The following PDE2A variants were observed in gnomAD, a reference collection of about 807,000 sequenced individuals.
PDE2A encodes phosphodiesterase 2A.
A neutral mutation model predicts 133.6 loss-of-function variants in PDE2A; 53 were observed. The ratio of observed to expected loss-of-function variants is 0.40; its 90% CI spans 0.32 to 0.50. The LOEUF (loss-of-function observed/expected upper bound fraction) is 0.50, where lower values mean the gene tolerates loss of function less well. PDE2A is among the 20% of genes least tolerant of loss of function. The pLI is 0.73. For synonymous variants in PDE2A, 491 were observed against 490.2 expected, an observed-to-expected ratio of 1.00 and a Z score of -0.02; for missense variants, 796 against 1,232.4, an observed-to-expected ratio of 0.65 and a Z score of 5.30.
intron 4 of PDE2A, among the ~76,000 whole-genome samples, chr11:72,602,467 C>T (rs1347416876): frequency 1.3e-5 from 2 of 152,162 alleles, no homozygotes; most frequent in African/African-American, 4.8e-5. Context: ...CTCCCCACAC[C>T]CCCACCTCCT....
intron 24 of PDE2A, 50 bp from the exon 25 acceptor site, chr11:72,580,674 T>C: frequency 7.1e-7 from 1 of 1,414,786 alleles, no homozygotes; most frequent in Non-Finnish European, 9.8e-7. Flanking sequence ...CGGATCCAAG[T>C]GCCACTGCTT....
At chr11:72,619,918 C>T (rs748692196) in intron 2 of PDE2A, among the ~76,000 whole-genome samples, 2 of 152,114 alleles carry the variant, frequency 1.3e-5, no homozygotes, top group Non-Finnish European at 2.9e-5. Context: ...GAAGATTAAG[C>T]TGAGCCATCA....
chr11:72,581,018 G>T, intron 23 of PDE2A, 45 bp from the exon 24 acceptor site: 1 of 1,309,756 alleles, frequency 7.6e-7, no homozygotes, highest in Non-Finnish European at 1.1e-6. Flanking sequence ...TCAGCCCACA[G>T]TTCCCTCCCT....
intron 6 of PDE2A, among the ~76,000 whole-genome samples, chr11:72,593,180 T>C (rs1472050850): frequency 1.3e-5 from 2 of 149,240 alleles, no homozygotes; most frequent in Middle Eastern, 3.4e-3. Flanking sequence ...ATGGAGGTGG[T>C]ACACACACAC....
intron 25 of PDE2A, among the ~76,000 whole-genome samples, chr11:72,580,328 A>G (rs1855664041): frequency 6.6e-6 from 1 of 152,080 alleles, no homozygotes; most frequent in Non-Finnish European, 1.5e-5. Context: ...GTTTGGCAGG[A>G]GGGGGCTGAA....
chr11:72,637,818 G>A (rs1382059651), intron 2 of PDE2A, among the ~76,000 whole-genome samples: 1 of 152,226 alleles, frequency 6.6e-6, no homozygotes, highest in Non-Finnish European at 1.5e-5. Flanking sequence ...AGTCAGGTTG[G>A]AGAAAGTGGT....
At chr11:72,614,199 C>T (rs1223883200) in intron 2 of PDE2A, among the ~76,000 whole-genome samples, 1 of 152,234 alleles carries the variant, frequency 6.6e-6, no homozygotes. Context: ...CAAGGAGACG[C>T]CTCTCAAAGA....
At chr11:72,658,488 T>A (rs947636663) in intron 1 of PDE2A, among the ~76,000 whole-genome samples, 6 of 151,964 alleles carry the variant, frequency 3.9e-5, no homozygotes, top group Non-Finnish European at 7.4e-5. Flanking sequence ...ACACCCTAGA[T>A]TTTTTCTGTT....
rs569227419 is a variant in PDE2A, at chr11:72,664,609, G to A, written c.71+9528C>T. 3.0e-4 allele frequency among the ~76,000 whole-genome samples: 45 copies of A among 151,664 alleles called. No homozygotes were observed. In the East Asian group the frequency reaches 3.7e-3, roughly 13 times the overall value. On this transcript the variant is annotated intron_variant, in intron 1 of 30. Coordinates refer to ENST00000334456, the MANE Select transcript of PDE2A (RefSeq NM_002599.5). Reference sequence around the variant, plus strand: ...AGGATGGTCTCGATCTCCTGACCTCGTGATCCGCCCACCTCAGCCTCCCAA... The same window carrying A: ...AGGATGGTCTCGATCTCCTGACCTCATGATCCGCCCACCTCAGCCTCCCAA...
intron 2 of PDE2A, among the ~76,000 whole-genome samples, chr11:72,624,523 C>A (rs1857946756): frequency 6.6e-6 from 1 of 152,204 alleles, no homozygotes; most frequent in Admixed American, 6.5e-5. Context: ...CTCACTAGAT[C>A]ATATGCTTGG....
chr11:72,580,510 G>T, intron 25 of PDE2A, 67 bp downstream of exon 25: 2 of 1,169,722 alleles, frequency 1.7e-6, no homozygotes, highest in Non-Finnish European at 2.5e-6. Context: ...GGAGGAGCTG[G>T]GTCATAACTT....
chr11:72,596,711 G>A (rs978492403), intron 5 of PDE2A, 63 bp from the exon 6 acceptor site: 55 of 1,117,854 alleles, frequency 4.9e-5, no homozygotes, highest in African/African-American at 2.3e-4. Flanking sequence ...ATACCGAGCC[G>A]GGACCCAGGT....
intron 6 of PDE2A, among the ~76,000 whole-genome samples, chr11:72,593,157 C>T (rs906928368): frequency 6.7e-6 from 1 of 148,530 alleles, no homozygotes; most frequent in Non-Finnish European, 1.5e-5. Flanking sequence ...CATGCACTTA[C>T]ACTCAATCTC....
intron 1 of PDE2A, among the ~76,000 whole-genome samples, chr11:72,663,627 G>T (rs1213033095): frequency 6.6e-6 from 1 of 151,938 alleles, no homozygotes; most frequent in African/African-American, 2.4e-5. Context: ...TACTTGGGAG[G>T]CTGAGGCAGG....
At chr11:72,649,507 T>G (rs1419940732) in intron 1 of PDE2A, among the ~76,000 whole-genome samples, 1 of 152,192 alleles carries the variant, frequency 6.6e-6, no homozygotes, top group Admixed American at 6.5e-5. Flanking sequence ...TCAGAGGCAG[T>G]GCCTAGGGTG....
At chr11:72,644,676 A>C (rs1293994547) in intron 1 of PDE2A, among the ~76,000 whole-genome samples, 1 of 152,260 alleles carries the variant, frequency 6.6e-6, no homozygotes, top group Non-Finnish European at 1.5e-5. Context: ...TTGGGCTCCC[A>C]ACTCCAGGCA....
intron 2 of PDE2A, among the ~76,000 whole-genome samples, chr11:72,620,969 T>C (rs1470689728): frequency 6.6e-6 from 1 of 152,036 alleles, no homozygotes; most frequent in Admixed American, 6.6e-5. Context: ...GGACCTGGGG[T>C]GCAGGTGTTG....
intron 4 of PDE2A, among the ~76,000 whole-genome samples, chr11:72,604,616 G>A (rs1407233595): frequency 2.0e-5 from 3 of 152,198 alleles, no homozygotes; most frequent in Non-Finnish European, 4.4e-5. Context: ...GAGAGGTTGT[G>A]TCATTTGCCC....
chr11:72,591,399 T>G, intron 6 of PDE2A, 43 bp from the exon 7 acceptor site: 3 of 1,507,264 alleles, frequency 2.0e-6, no homozygotes, highest in Non-Finnish European at 9.2e-7. Context: ...CCTCTCTCAG[T>G]GTCTGTCTCT....
Sources: allele counts gnomAD v4.1 joint callset (sites outside exome capture counted in the v4.1 genomes callset), GRCh38; gene constraint gnomAD v4.1.1; transcripts MANE v1.5; gene names NCBI Gene and HGNC (gene_info 2026-07-23, HGNC 2026-07-21).